Variants in UGT1A10 observed in about 807,000 individuals in gnomAD.
The protein encoded by UGT1A10 is UDP glucuronosyltransferase family 1 member A10, also known as UDP-glucuronosyltransferase 1A10.
A neutral mutation model predicts 45.8 loss-of-function variants in UGT1A10; 49 were observed. That is an observed-to-expected ratio of 1.07 (90% CI 0.85 to 1.36). The LOEUF is 1.36. Among genes scored for constraint, UGT1A10 ranks in the 40% most tolerant of loss-of-function variants. The probability of loss-of-function intolerance (pLI) is 0.00; values close to 1 mark genes in which losing one functional copy is unlikely to be tolerated. For missense variants in UGT1A10, 745 were observed against 668.6 expected, an observed-to-expected ratio of 1.11 and a Z score of -1.26; for synonymous variants, 284 against 249.7, an observed-to-expected ratio of 1.14 and a Z score of -1.29.
chr2:233,759,624 A>G (rs1433114385), intron 1 of UGT1A10, among the ~76,000 whole-genome samples: 1 of 80,994 alleles, frequency 1.2e-5, no homozygotes, highest in Non-Finnish European at 2.2e-5. Context: ...CCACCTGTTC[A>G]TTTCCTTCTT....
intron 1 of UGT1A10, among the ~76,000 whole-genome samples, chr2:233,765,730 T>TAATAATAAA (rs1427774434): frequency 6.7e-6 from 1 of 150,190 alleles, no homozygotes; most frequent in Non-Finnish European, 1.5e-5. Context: ...ATAATAATAA[T>TAATAATAAA]AAATAAACCC....
rs753056825 is a variant in UGT1A10 at position 233,767,178 on chromosome 2, T to C, written c.987+13T>C. 16 of 1,614,056 alleles carry C rather than the reference T, an allele frequency of 9.9e-6. No homozygotes were observed. Among genetic ancestry groups the C allele is most frequent in the Non-Finnish European group, 1.4e-5 (16 of 1,180,000 alleles). On this transcript the variant is annotated intron_variant, in intron 2 of 4. Coordinates refer to ENST00000344644, the MANE Select transcript of UGT1A10 (RefSeq NM_019075.4). ...AATCCCTCAGACAGTAAGAAGATTCTATACCATGGCCTCATATCTATTTTC... is the reference window on the plus strand; with the variant it reads ...AATCCCTCAGACAGTAAGAAGATTCCATACCATGGCCTCATATCTATTTTC...
At chr2:233,751,940 C>A (rs1176362402) in intron 1 of UGT1A10, among the ~76,000 whole-genome samples, 1 of 152,072 alleles carries the variant, frequency 6.6e-6, no homozygotes, top group Non-Finnish European at 1.5e-5. Flanking sequence ...TGAAGTTATA[C>A]TGAAAGGGTT....
At chr2:233,657,698 T>C (rs2073885735) in intron 1 of UGT1A10, among the ~76,000 whole-genome samples, 1 of 152,230 alleles carries the variant, frequency 6.6e-6, no homozygotes, top group African/African-American at 2.4e-5. Flanking sequence ...ATTGCAGCTA[T>C]TCTAATGGGT....
At chr2:233,755,053 C>CCCTCG (rs778721180) in intron 1 of UGT1A10, 9 of 1,332,572 alleles carry the variant, frequency 6.8e-6, no homozygotes, top group Non-Finnish European at 6.1e-6. Flanking sequence ...CCGCCCTCCG[C>CCCTCG]CCTCGCCTCG....
intron 1 of UGT1A10, among the ~76,000 whole-genome samples, chr2:233,707,312 T>C (rs1475084674): frequency 1.3e-5 from 2 of 152,156 alleles, no homozygotes; most frequent in African/African-American, 4.8e-5. Flanking sequence ...GTTTGTTACA[T>C]AGCTAAACAT....
chr2:233,694,220 G>A (rs2075206036), intron 1 of UGT1A10, among the ~76,000 whole-genome samples: 1 of 152,028 alleles, frequency 6.6e-6, no homozygotes, highest in African/African-American at 2.4e-5. Context: ...TCCCAACTCT[G>A]TCCCATGCTT....
In UGT1A10 at chr2:233,742,646, C is replaced by T. The variant is rs1203522527; in HGVS notation, c.856-24388C>T. 5.3e-5 allele frequency: 8 copies of T among 152,164 alleles called. 1 individual carries two copies. The highest frequency in any genetic ancestry group is 1.2e-4 in the African/African-American group (5 of 41,160). The allele number at this position is 152,164 out of a possible 1,614,324, so 9.4% of individuals were successfully genotyped here. A position where few individuals can be genotyped will look rare whatever the true frequency, so the allele number is the denominator to read the frequency against. On this transcript the variant is annotated intron_variant, in intron 1 of 4. Transcript: ENST00000344644. Reference sequence around the variant, plus strand: ...GCTGAAGACAGTCCTAGTATACCACCGACCAACCATGTAACCCCAAGGTTT... The same window carrying T: ...GCTGAAGACAGTCCTAGTATACCACTGACCAACCATGTAACCCCAAGGTTT...
intron 1 of UGT1A10, chr2:233,691,214 A>G (rs999693118): frequency 4.9e-5 from 48 of 985,374 alleles, no homozygotes; most frequent in Non-Finnish European, 5.7e-5. Flanking sequence ...TCCCTTTGCA[A>G]CCTTCCTGGA....
chr2:233,710,385 C>T (rs894731418), intron 1 of UGT1A10, among the ~76,000 whole-genome samples: 3 of 152,278 alleles, frequency 2.0e-5, no homozygotes, highest in East Asian at 1.9e-4. Flanking sequence ...CTAACAGCAA[C>T]GCATTAGAGT....
intron 1 of UGT1A10, among the ~76,000 whole-genome samples, chr2:233,704,961 C>T (rs1307195227): frequency 2.0e-5 from 3 of 152,020 alleles, no homozygotes; most frequent in Non-Finnish European, 2.9e-5. Flanking sequence ...CATGGTGAAA[C>T]CCCATCTCTA....
intron 1 of UGT1A10, chr2:233,671,872 T>C: frequency 6.6e-7 from 1 of 1,522,794 alleles, no homozygotes; most frequent in Non-Finnish European, 8.8e-7. Flanking sequence ...CTGGTATTTC[T>C]CCCACCTACT....
At chr2:233,751,396 T>C (rs939071089) in intron 1 of UGT1A10, among the ~76,000 whole-genome samples, 1 of 152,154 alleles carries the variant, frequency 6.6e-6, no homozygotes, top group African/African-American at 2.4e-5. Context: ...CAGATAAGAC[T>C]TTGGACTATG....
chr2:233,668,524 ATG>A (rs1404459182), intron 1 of UGT1A10, among the ~76,000 whole-genome samples: 2 of 152,188 alleles, frequency 1.3e-5, no homozygotes, highest in African/African-American at 4.8e-5. Context: ...ATACGTGTGC[ATG>A]TGTCTTTATA....
intron 1 of UGT1A10, chr2:233,719,244 A>C (rs375836466): frequency 1.5e-5 from 24 of 1,614,126 alleles, no homozygotes; most frequent in African/African-American, 6.7e-5. Context: ...CAGGCACCTG[A>C]ATGCTACTTC....
chr2:233,748,077 C>T, intron 1 of UGT1A10: 1 of 1,613,256 alleles, frequency 6.2e-7, no homozygotes, highest in Non-Finnish European at 8.5e-7. Flanking sequence ...GCCACTATCT[C>T]AGGTCGGTGT....
At chr2:233,764,546 TGGGA>T (rs1045982534) in intron 1 of UGT1A10, among the ~76,000 whole-genome samples, 5 of 152,234 alleles carry the variant, frequency 3.3e-5, no homozygotes, top group African/African-American at 1.2e-4. Context: ...AGTGGGCGTG[TGGGA>T]GGGTGTGCCT....
chr2:233,637,235 C>G lies in UGT1A10; in HGVS notation c.713C>G (p.Pro238Arg). 1.2e-6 allele frequency: 2 copies of G among 1,613,920 alleles called. No individual in the cohort carries two copies. Among genetic ancestry groups the G allele is most frequent in the Non-Finnish European group, 1.7e-6 (2 of 1,179,858 alleles). The change falls in exon 1 of 5, where the codon CCT becomes CGT. Residue 238 changes from proline to arginine, a missense_variant. Physicochemically the swap from Pro to Arg is moderately radical, Grantham distance 103. Transcript: ENST00000344644. Reference protein sequence around the residue: ...LEIASEILQTPVTAYDLYSHT... With the variant: ...LEIASEILQTRVTAYDLYSHT... The stretch of plus-strand genomic sequence containing the variant: ...ATAGCCTCTGAAATTCTCCAAACCC[C>G]TGTCACGGCATATGATCTCTACAGT...
intron 1 of UGT1A10, among the ~76,000 whole-genome samples, chr2:233,697,101 T>A (rs1420519928): frequency 6.6e-6 from 1 of 152,004 alleles, no homozygotes; most frequent in Non-Finnish European, 1.5e-5. Context: ...ACAGGATGAG[T>A]TTGGAAGTAT....
Sources: allele counts gnomAD v4.1 joint callset (sites outside exome capture counted in the v4.1 genomes callset), GRCh38; gene constraint gnomAD v4.1.1; transcripts MANE v1.5; gene names NCBI Gene and HGNC (gene_info 2026-07-23, HGNC 2026-07-21).